The following PTPRM variants were observed in gnomAD, a reference collection of about 807,000 sequenced individuals.
PTPRM encodes the protein receptor-type tyrosine-protein phosphatase mu.
Under a neutral mutation model 186.7 loss-of-function variants are expected in PTPRM, and 47 were observed. The ratio of observed to expected loss-of-function variants is 0.25; its 90% confidence interval spans 0.20 to 0.32. The LOEUF (loss-of-function observed/expected upper bound fraction) is 0.32. Among genes scored for constraint, PTPRM ranks in the 10% least tolerant of loss-of-function variants. The probability of loss-of-function intolerance (pLI) is 1.00; values close to 1 mark genes in which losing one functional copy is unlikely to be tolerated. For missense variants in PTPRM, 1,494 were observed against 1,865.0 expected (o/e 0.80, Z 3.66); for synonymous variants, 668 against 674.9 (o/e 0.99, Z 0.16).
chr18:8,194,096 C>T (rs2093743664), intron 14 of PTPRM, among the ~76,000 whole-genome samples: 1 of 152,254 alleles, frequency 6.6e-6, no homozygotes, highest in Admixed American at 6.5e-5. Flanking sequence ...TCTCTCCAGA[C>T]ATCTGTCCTT....
At chr18:8,231,899 C>T (rs796727157) in intron 14 of PTPRM, among the ~76,000 whole-genome samples, 17 of 152,270 alleles carry the variant, frequency 1.1e-4, no homozygotes, top group African/African-American at 3.6e-4. Context: ...TTATCATAAT[C>T]CGTGAGGCTC....
chr18:7,898,065 G>T (rs547664039), intron 3 of PTPRM, among the ~76,000 whole-genome samples: 1 of 152,178 alleles, frequency 6.6e-6, no homozygotes, highest in South Asian at 2.1e-4. Context: ...AAACACAAAT[G>T]CTTGAATATT....
intron 2 of PTPRM, among the ~76,000 whole-genome samples, chr18:7,880,814 CAG>C (rs1451210243): frequency 1.3e-5 from 2 of 152,116 alleles, no homozygotes; most frequent in African/African-American, 4.8e-5. Flanking sequence ...TTATGATAAT[CAG>C]GGGATGAGAT....
intron 2 of PTPRM, among the ~76,000 whole-genome samples, chr18:7,816,772 C>G (rs796377020): frequency 6.1e-4 from 93 of 152,218 alleles, no homozygotes; most frequent in African/African-American, 2.2e-3. Context: ...TTACAAAAGT[C>G]TCATTACCAT....
At chr18:7,917,578 A>G (rs923440233) in intron 4 of PTPRM, among the ~76,000 whole-genome samples, 3 of 152,268 alleles carry the variant, frequency 2.0e-5, no homozygotes, top group African/African-American at 7.2e-5. Flanking sequence ...ATAAGTGCAT[A>G]TTTGGGGGTA....
rs2046281246 is a variant in PTPRM, at chr18:7,840,731, AT to A, written c.197-47374del. On this transcript the variant is annotated intron_variant, in intron 2 of 32. Coordinates refer to ENST00000580170, the MANE Select transcript of PTPRM (RefSeq NM_001105244.2). ...AAAGGATGAATTGGCTTTATGTAGA[AT>A]AAAAGCCATTGGAAACATATGGTAC... 2.6e-5 allele frequency among the ~76,000 whole-genome samples: 4 copies of A among 152,240 alleles called. No homozygotes were observed. In the South Asian group the frequency reaches 8.3e-4, roughly 32 times the overall value.
chr18:8,151,579 C>T (rs1010013543), intron 14 of PTPRM, among the ~76,000 whole-genome samples: 11 of 149,142 alleles, frequency 7.4e-5, no homozygotes, highest in African/African-American at 2.7e-4. Context: ...TTGCTGGGCT[C>T]CATGAGGGTG....
intron 22 of PTPRM, among the ~76,000 whole-genome samples, chr18:8,337,255 T>G (rs59726215): frequency 6.6e-6 from 1 of 152,116 alleles, no homozygotes; most frequent in Non-Finnish European, 1.5e-5. Flanking sequence ...GGTCTCAAAC[T>G]CCTGGGCTCA....
chr18:7,808,494 C>T (rs2044348645), intron 2 of PTPRM, among the ~76,000 whole-genome samples: 1 of 152,188 alleles, frequency 6.6e-6, no homozygotes. Flanking sequence ...AAAACATAGC[C>T]TGCCTTTCTT....
At chr18:7,645,109 T>C (rs937947369) in intron 1 of PTPRM, among the ~76,000 whole-genome samples, 10 of 152,196 alleles carry the variant, frequency 6.6e-5, no homozygotes, top group African/African-American at 1.9e-4. Context: ...AATATGTTTT[T>C]CCCTAAAACT....
At chr18:7,630,707 C>T (rs186074180) in intron 1 of PTPRM, among the ~76,000 whole-genome samples, 193 of 152,254 alleles carry the variant, frequency 1.3e-3, no homozygotes, top group African/African-American at 4.4e-3. Context: ...CTATCATGAA[C>T]TCTGAAGAAA....
At chr18:7,984,975 A>G (rs1382953525) in intron 7 of PTPRM, among the ~76,000 whole-genome samples, 1 of 125,504 alleles carries the variant, frequency 8.0e-6, no homozygotes, top group African/African-American at 3.2e-5. Flanking sequence ...ATATAATTAT[A>G]TATACATATA....
intron 3 of PTPRM, among the ~76,000 whole-genome samples, chr18:7,900,855 A>G (rs142370253): frequency 8.6e-4 from 131 of 152,340 alleles, no homozygotes; most frequent in African/African-American, 3.1e-3. Flanking sequence ...TTTTTTTTGA[A>G]TTACTAAATT....
At chr18:7,570,942 T>G (rs74254634) in intron 1 of PTPRM, among the ~76,000 whole-genome samples, 15 of 416 alleles carry the variant, frequency 0.036, no homozygotes, top group Non-Finnish European at 0.11. Context: ...AAATTGTGGG[T>G]TTTTTTTTTT....
At chr18:7,868,924 C>G (rs2047848081) in intron 2 of PTPRM, among the ~76,000 whole-genome samples, 1 of 152,216 alleles carries the variant, frequency 6.6e-6, no homozygotes, top group Admixed American at 6.5e-5. Context: ...GAGAGGCAGT[C>G]TGGCTACAGC....
chr18:7,809,254 C>T (rs1018826236), intron 2 of PTPRM, among the ~76,000 whole-genome samples: 17 of 152,076 alleles, frequency 1.1e-4, no homozygotes, highest in Admixed American at 5.2e-4. Flanking sequence ...AGGGCTTGGC[C>T]GAATTGCTCT....
intron 3 of PTPRM, among the ~76,000 whole-genome samples, chr18:7,906,292 C>T (rs117276338): frequency 2.6e-5 from 4 of 152,250 alleles, no homozygotes; most frequent in Middle Eastern, 3.4e-3. Flanking sequence ...TTCTGTCTAA[C>T]GCATTCACTA....
intron 1 of PTPRM, among the ~76,000 whole-genome samples, chr18:7,727,281 C>G (rs989835458): frequency 6.6e-6 from 1 of 151,982 alleles, no homozygotes; most frequent in African/African-American, 2.4e-5. Context: ...TGCCAAGATC[C>G]TTAGGAGAAA....
intron 7 of PTPRM, among the ~76,000 whole-genome samples, chr18:8,058,289 T>G (rs1297390): frequency 0.57 from 3,358 of 5,930 alleles, 1,025 homozygotes; most frequent in Middle Eastern, 0.67. Context: ...TCGCCCACTT[T>G]TTGATGGGGT....
Sources: gnomAD v4.1 joint callset for allele counts (sites outside exome capture counted in the v4.1 genomes callset) on GRCh38, gnomAD v4.1.1 for gene constraint, MANE v1.5 for transcripts, NCBI Gene and HGNC (gene_info 2026-07-23, HGNC 2026-07-21) for gene names.